NEIL2: variants seen among roughly 807,000 people sequenced by gnomAD.
NEIL2 encodes the protein endonuclease 8-like 2.
NEIL2 carries 23 observed loss-of-function variants against 22.2 expected under a neutral mutation model. That is an observed-to-expected ratio of 1.04 (90% CI 0.75 to 1.47). NEIL2 has a LOEUF of 1.47. Among genes scored for constraint, NEIL2 ranks in the 40% most tolerant of loss-of-function variants. The pLI is 0.00. For synonymous variants in NEIL2, 229 were observed against 164.8 expected, an observed-to-expected ratio of 1.39 and a Z score of -2.99; for missense variants, 583 against 404.7, an observed-to-expected ratio of 1.44 and a Z score of -3.78.
At chr8:11,771,150 T>C (rs809202) in intron 1 of NEIL2, among the ~76,000 whole-genome samples, 54,459 of 151,938 alleles carry the variant, frequency 0.36, 11,361 homozygotes, top group East Asian at 0.59. Context: ...CGCTCAGGAA[T>C]AAAGTGGATG....
intron 4 of NEIL2, among the ~76,000 whole-genome samples, chr8:11,785,544 C>G (rs770364961): frequency 1.3e-5 from 2 of 152,214 alleles, no homozygotes; most frequent in Non-Finnish European, 2.9e-5. Context: ...ATACCAGCCA[C>G]TGTGCTCAGC....
chr8:11,771,504 T>G lies in NEIL2; in HGVS notation c.57T>G (p.Gly19=), dbSNP rs541170279. 2 of 1,613,984 alleles carry G rather than the reference T, an allele frequency of 1.2e-6. No homozygotes were observed. The highest frequency in any genetic ancestry group is 4.5e-5 in the East Asian group (2 of 44,870). ...ACCATTTGGTCTCCCCCTTTGTGGG[T>G]CAGCAGGTGGTCAAGACAGGGGGCA... The part of the protein sequence containing the change: ...KFHHLVSPFV[G]QQVVKTGGSS... The change falls in exon 2 of 5, where the codon GGT becomes GGG. Residue 19 remains glycine (G), a synonymous_variant. Coordinates refer to ENST00000284503, the MANE Select transcript of NEIL2 (RefSeq NM_145043.4).
intron 2 of NEIL2, among the ~76,000 whole-genome samples, chr8:11,778,407 C>G (rs1003487446): frequency 5.3e-5 from 8 of 151,106 alleles, no homozygotes; most frequent in Non-Finnish European, 1.0e-4. Context: ...AAAGGTAATG[C>G]TCTTTTGGGT....
chr8:11,769,778 C>G lies in NEIL2; in HGVS notation c.-560C>G, dbSNP rs1371236775. ...GGTGCTGGGTCGGGCCGACGTGCCA[C>G]CCACCCGGAGCCGGTGAGTGCAGCC... On this transcript the variant is annotated 5_prime_UTR_variant, in exon 1 of 5. Coordinates refer to ENST00000284503, the MANE Select transcript of NEIL2 (RefSeq NM_145043.4). The G allele has an allele frequency of 6.6e-6, 1 of 152,472 alleles. No individual in the cohort carries two copies. Among genetic ancestry groups the G allele is most frequent in the African/African-American group, 2.4e-5 (1 of 41,594 alleles). 9.4% of individuals were successfully genotyped at this position (152,472 alleles called of 1,614,324 possible).
chr8:11,779,836 A>T lies in NEIL2; in HGVS notation c.377A>T (p.Asp126Val), dbSNP rs761727771. ...TTGGAGAGAGACGCCCCTGCAGGAG[A>T]TGCTGGGAGGTGGCTGCGTGTCAGC... ...EYLERDAPAG[D>V]AGRWLRVSFG... Residue 126 changes from aspartate (D) to valine (V), a missense_variant, in exon 3 of 5, where the codon GAT (aspartate) becomes GTT (valine). Physicochemically the swap from Asp to Val is radical, Grantham distance 152. Transcript: ENST00000284503. 2 of 1,614,040 alleles carry T rather than the reference A, an allele frequency of 1.2e-6. No individual in the cohort carries two copies. Among genetic ancestry groups the T allele is most frequent in the Non-Finnish European group, 1.7e-6 (2 of 1,179,962 alleles).
chr8:11,771,451 C>T lies in NEIL2; in HGVS notation c.4C>T (p.Pro2Ser). The T allele has an allele frequency of 4.3e-6, 7 of 1,613,686 alleles. No individual in the cohort carries two copies. Among genetic ancestry groups the T allele is most frequent in the South Asian group, 1.1e-5 (1 of 91,066 alleles). The change falls in exon 2 of 5, where the codon CCA becomes TCA. Residue 2 changes from proline (P) to serine (S), a missense_variant. Coordinates refer to ENST00000284503, the MANE Select transcript of NEIL2 (RefSeq NM_145043.4). ...TTGCCCATTTCTGCCCACAGGGATG[C>T]CAGAAGGGCCGTTGGTGAGGAAATT... MPEGPLVRKFHH... is the reference protein window; with the variant it reads MSEGPLVRKFHH...
At chr8:11,780,683 C>T (rs1009383420) in intron 3 of NEIL2, among the ~76,000 whole-genome samples, 1 of 152,134 alleles carries the variant, frequency 6.6e-6, no homozygotes, top group Non-Finnish European at 1.5e-5. Context: ...TGCTTGGCCC[C>T]AGTTTTTATA....
intron 3 of NEIL2, among the ~76,000 whole-genome samples, chr8:11,780,901 G>A (rs111892638): frequency 6.6e-6 from 1 of 152,194 alleles, no homozygotes; most frequent in Non-Finnish European, 1.5e-5. Flanking sequence ...TCAATGTAAT[G>A]AAGCTTTTGC....
rs756979497 is a variant in NEIL2 at position 11,779,680 on chromosome 8, C to T, written c.221C>T (p.Pro74Leu). 2.8e-5 allele frequency: 45 copies of T among 1,613,926 alleles called. No homozygotes were observed. Among genetic ancestry groups the T allele is most frequent in the Non-Finnish European group, 3.6e-5 (43 of 1,179,970 alleles). ...GGCAGCAGCCCAACACCAGAGCCTC[C>T]ACAAAAAGAAGTGCAGAAGGAAGGG... ...PPGSSPTPEP[P>L]QKEVQKEGAA... The change falls in exon 3 of 5, where the codon CCA becomes CTA. Residue 74 changes from proline (P) to leucine (L), a missense_variant. Pro to Leu is a moderately conservative substitution (Grantham distance 98). Coordinates refer to ENST00000284503, the MANE Select transcript of NEIL2 (RefSeq NM_145043.4).
rs1803438649 is a variant in NEIL2 at position 11,771,539 on chromosome 8, A to C, written c.92A>C (p.Lys31Thr). ...QVVKTGGSSK[K>T]LQPASLQSLW... Reference sequence around the variant, plus strand: ...GTCAAGACAGGGGGCAGCAGTAAGAAGCTACAGCCCGCCAGCCTGCAGTCT... The same window carrying C: ...GTCAAGACAGGGGGCAGCAGTAAGACGCTACAGCCCGCCAGCCTGCAGTCT... The change falls in exon 2 of 5, where the codon AAG (lysine) becomes ACG (threonine). Residue 31 changes from lysine (K) to threonine (T), a missense_variant. Coordinates refer to ENST00000284503, the MANE Select transcript of NEIL2 (RefSeq NM_145043.4). 6.2e-7 allele frequency: 1 copy of C among 1,613,920 alleles called. No homozygotes were observed. Among genetic ancestry groups the C allele is most frequent in the South Asian group, 1.1e-5 (1 of 91,064 alleles).
chr8:11,778,687 C>T (rs538438041), intron 2 of NEIL2, among the ~76,000 whole-genome samples: 3 of 152,022 alleles, frequency 2.0e-5, no homozygotes, highest in South Asian at 2.1e-4. Flanking sequence ...CATGGTGGCT[C>T]ATGCCTGGAA....
chr8:11,778,771 G>C (rs541626854), intron 2 of NEIL2, among the ~76,000 whole-genome samples: 1 of 151,910 alleles, frequency 6.6e-6, no homozygotes, highest in Non-Finnish European at 1.5e-5. Flanking sequence ...TGCTAACGTG[G>C]TGAGACGTGG....
At chr8:11,775,068 C>G (rs892992182) in intron 2 of NEIL2, among the ~76,000 whole-genome samples, 1 of 152,250 alleles carries the variant, frequency 6.6e-6, no homozygotes, top group South Asian at 2.1e-4. Context: ...TCTCACAGCT[C>G]TACTAGGCAG....
chr8:11,776,932 G>T (rs533353429), intron 2 of NEIL2, among the ~76,000 whole-genome samples: 1 of 152,116 alleles, frequency 6.6e-6, no homozygotes, highest in African/African-American at 2.4e-5. Flanking sequence ...GGGTTTGTTG[G>T]GAGTAGTGCT....
chr8:11,776,457 C>T (rs149201668), intron 2 of NEIL2, among the ~76,000 whole-genome samples: 58 of 152,308 alleles, frequency 3.8e-4, no homozygotes, highest in East Asian at 1.2e-3. Flanking sequence ...GTTGGACACT[C>T]GGATTGTTTC....
intron 2 of NEIL2, among the ~76,000 whole-genome samples, chr8:11,778,300 T>G (rs1215027118): frequency 1.3e-5 from 2 of 151,974 alleles, no homozygotes; most frequent in Admixed American, 6.6e-5. Context: ...GTTTTTTTTT[T>G]TTTTTTTTTT....
In NEIL2 at chr8:11,787,064, G is replaced by C. The variant is rs1805032274; in HGVS notation, c.*791G>C. 6.6e-6 allele frequency: 1 copy of C among 152,578 alleles called. No individual in the cohort carries two copies. Among genetic ancestry groups the C allele is most frequent in the Non-Finnish European group, 1.5e-5 (1 of 68,136 alleles). 9.5% of individuals were successfully genotyped at this position (152,578 alleles called of 1,614,324 possible). A position where few individuals can be genotyped will look rare whatever the true frequency, so the allele number is the denominator to read the frequency against. On this transcript the variant is annotated 3_prime_UTR_variant, in exon 5 of 5. Coordinates refer to ENST00000284503, the MANE Select transcript of NEIL2 (RefSeq NM_145043.4). Reference sequence around the variant, plus strand: ...CCTGGAGGATCCAGGGATGAGGATAGAGTGGCCTGAGAGCAGTGCTTGGAT... The same window carrying C: ...CCTGGAGGATCCAGGGATGAGGATACAGTGGCCTGAGAGCAGTGCTTGGAT...
At chr8:11,785,131 C>G (rs1253005966) in intron 4 of NEIL2, among the ~76,000 whole-genome samples, 1 of 151,296 alleles carries the variant, frequency 6.6e-6, no homozygotes, top group Non-Finnish European at 1.5e-5. Flanking sequence ...CTCTGCCTCC[C>G]AAAGTGCTGG....
intron 2 of NEIL2, 144 bp from the exon 3 acceptor site, chr8:11,779,454 C>G (rs1240695324): frequency 4.0e-6 from 3 of 743,688 alleles, no homozygotes; most frequent in Non-Finnish European, 7.0e-6. Context: ...AGCAAAAGAG[C>G]AAAAGGCAGA....
Sources: gnomAD v4.1 joint callset for allele counts (sites outside exome capture counted in the v4.1 genomes callset) on GRCh38, gnomAD v4.1.1 for gene constraint, MANE v1.5 for transcripts, NCBI Gene and HGNC (gene_info 2026-07-23, HGNC 2026-07-21) for gene names.